The following ADAMTS19 variants were observed in gnomAD, a reference collection of about 807,000 sequenced individuals.
ADAMTS19 encodes ADAM metallopeptidase with thrombospondin type 1 motif 19.
ADAMTS19 carries 93 observed loss-of-function variants against 153.3 expected under a neutral mutation model. The observed-to-expected ratio is 0.61, with a 90% confidence interval of 0.51 to 0.72. The LOEUF is 0.72. Among genes scored for constraint, ADAMTS19 ranks in the 30% least tolerant of loss-of-function variants. The pLI is 0.00. For missense variants in ADAMTS19, 1,482 were observed against 1,552.1 expected, an observed-to-expected ratio of 0.95 and a Z score of 0.76; for synonymous variants, 600 against 556.6, an observed-to-expected ratio of 1.08 and a Z score of -1.10.
Position 129,701,400 on chromosome 5 carries a change from A to G in ADAMTS19, c.2967A>G (p.Thr989=). The stretch of plus-strand genomic sequence containing the variant: ...GCTTTACTTTCAGGTGGATGATGAC[A>G]GAATGGACCCCTTGTTCACGAACTT... ...EQPCQTRWMM[T]EWTPCSRTCG... The change falls in exon 20 of 23, where the codon ACA becomes ACG. Residue 989 remains threonine (T), a synonymous_variant. Transcript: ENST00000274487. 1.9e-6 allele frequency: 3 copies of G among 1,614,220 alleles called. No homozygotes were observed. The highest frequency in any genetic ancestry group is 1.7e-6 in the Non-Finnish European group (2 of 1,180,042).
chr5:129,468,603 T>C (rs543323089), intron 2 of ADAMTS19, among the ~76,000 whole-genome samples: 80 of 152,146 alleles, frequency 5.3e-4, no homozygotes, highest in Non-Finnish European at 8.8e-4. Flanking sequence ...CCGCCCACCT[T>C]GGCCTCCCAA....
At chr5:129,494,863 C>T (rs779536428) in intron 2 of ADAMTS19, among the ~76,000 whole-genome samples, 3 of 152,046 alleles carry the variant, frequency 2.0e-5, no homozygotes, top group Non-Finnish European at 4.4e-5. Context: ...TTGATACTGA[C>T]CAGAGGGAAC....
chr5:129,520,896 T>G (rs1295385831), intron 3 of ADAMTS19, among the ~76,000 whole-genome samples: 1 of 152,190 alleles, frequency 6.6e-6, no homozygotes. Flanking sequence ...TCTCCTGTGA[T>G]GCCAGCTCCA....
intron 8 of ADAMTS19, among the ~76,000 whole-genome samples, chr5:129,602,181 C>CCA (rs1750684069): frequency 2.0e-5 from 3 of 152,330 alleles, no homozygotes; most frequent in South Asian, 4.1e-4. Context: ...CAACCTCTGC[C>CCA]TCCTGGGTTC....
At chr5:129,521,468 A>G (rs1751795787) in intron 3 of ADAMTS19, among the ~76,000 whole-genome samples, 1 of 152,212 alleles carries the variant, frequency 6.6e-6, no homozygotes. Flanking sequence ...TCCTATTCAT[A>G]TACAATTTTT....
chr5:129,529,466 C>G (rs1752124852), intron 6 of ADAMTS19, among the ~76,000 whole-genome samples: 1 of 152,134 alleles, frequency 6.6e-6, no homozygotes, highest in Non-Finnish European at 1.5e-5. Flanking sequence ...CACAATTGGA[C>G]TTCTACTTTC....
intron 3 of ADAMTS19, among the ~76,000 whole-genome samples, chr5:129,519,437 G>C (rs1475093094): frequency 6.6e-6 from 1 of 152,070 alleles, no homozygotes; most frequent in Non-Finnish European, 1.5e-5. Flanking sequence ...GCAGCCTGAG[G>C]TTAGGGGAGG....
At chr5:129,482,101 T>G (rs1221929152) in intron 2 of ADAMTS19, among the ~76,000 whole-genome samples, 1 of 152,192 alleles carries the variant, frequency 6.6e-6, no homozygotes, top group Non-Finnish European at 1.5e-5. Context: ...TTAGGAATTA[T>G]AGGAAATTTT....
intron 7 of ADAMTS19, among the ~76,000 whole-genome samples, chr5:129,575,348 A>C (rs1211095143): frequency 6.6e-6 from 1 of 152,070 alleles, no homozygotes; most frequent in Admixed American, 6.6e-5. Flanking sequence ...TGCCTTCAGG[A>C]TATGATTATG....
At chr5:129,721,899 A>G (rs1757020303) in intron 21 of ADAMTS19, among the ~76,000 whole-genome samples, 1 of 152,192 alleles carries the variant, frequency 6.6e-6, no homozygotes, top group Non-Finnish European at 1.5e-5. Flanking sequence ...GATGTCTTCC[A>G]GCTGTATCCA....
intron 21 of ADAMTS19, among the ~76,000 whole-genome samples, chr5:129,720,526 C>G (rs1284093853): frequency 1.1e-4 from 17 of 152,120 alleles, no homozygotes; most frequent in Admixed American, 1.1e-3. Flanking sequence ...CTTATTTTTA[C>G]AAAGAAAGAA....
At chr5:129,588,886 T>C (rs1749954713) in intron 7 of ADAMTS19, among the ~76,000 whole-genome samples, 1 of 151,782 alleles carries the variant, frequency 6.6e-6, no homozygotes, top group African/African-American at 2.4e-5. Context: ...TATTTTACTT[T>C]ATTTCTGTTT....
intron 2 of ADAMTS19, among the ~76,000 whole-genome samples, chr5:129,506,753 T>C (rs1178277126): frequency 6.6e-6 from 1 of 152,018 alleles, no homozygotes; most frequent in African/African-American, 2.4e-5. Context: ...TTATATTTAT[T>C]ATGATTGTCC....
chr5:129,467,688 A>G lies in ADAMTS19; in HGVS notation c.747+5931A>G, dbSNP rs760851506. On this transcript the variant is annotated intron_variant, in intron 2 of 22. Transcript: ENST00000274487. ...AGAGTCATTTAAAATCCTGGATTAT[A>G]TGGTCACACAAAACACCATTCAAAT... 3.9e-5 allele frequency among the ~76,000 whole-genome samples: 6 copies of G among 152,330 alleles called. No individual in the cohort carries two copies. In the Middle Eastern group the frequency reaches 0.01, roughly 259 times the overall value.
In ADAMTS19 at chr5:129,734,964, C is replaced by A; in HGVS notation, c.3345C>A (p.Ser1115=). The A allele has an allele frequency of 6.2e-7, 1 of 1,604,946 alleles. No individual in the cohort carries two copies. Among genetic ancestry groups the A allele is most frequent in the Non-Finnish European group, 8.5e-7 (1 of 1,176,050 alleles). ...TTACCTGTGGCAAAGGAATGCAGTC[C>A]CGTGTAATCCAATGCATGCATAAGA... is the stretch of plus-strand genomic sequence containing the variant. The part of the protein sequence containing the change: ...CSITCGKGMQ[S]RVIQCMHKIT... The change falls in exon 22 of 23, where the codon TCC becomes TCA. Residue 1115 remains serine, a synonymous_variant. Transcript: ENST00000274487.
At chr5:129,655,485 T>C (rs1399383626) in intron 14 of ADAMTS19, among the ~76,000 whole-genome samples, 3 of 152,170 alleles carry the variant, frequency 2.0e-5, no homozygotes, top group Non-Finnish European at 2.9e-5. Flanking sequence ...TAGGAAACTG[T>C]TAACTGGGCA....
chr5:129,736,466 T>G (rs1291840654), intron 22 of ADAMTS19, among the ~76,000 whole-genome samples: 1 of 152,100 alleles, frequency 6.6e-6, no homozygotes, highest in Non-Finnish European at 1.5e-5. Context: ...CAAGTCTACA[T>G]GACCAAATAT....
intron 2 of ADAMTS19, among the ~76,000 whole-genome samples, chr5:129,482,377 A>C (rs74510841): frequency 0.011 from 1,724 of 152,286 alleles, 33 homozygotes; most frequent in African/African-American, 0.038. Context: ...TTCTCTTATA[A>C]GGAGTCAGTT....
chr5:129,554,304 G>A (rs368442684), intron 7 of ADAMTS19, among the ~76,000 whole-genome samples: 1 of 152,100 alleles, frequency 6.6e-6, no homozygotes, highest in African/African-American at 2.4e-5. Flanking sequence ...TAGCTGCAAT[G>A]CTATGTTAGG....
Sources: gnomAD v4.1 joint callset for allele counts (sites outside exome capture counted in the v4.1 genomes callset) on GRCh38, gnomAD v4.1.1 for gene constraint, MANE v1.5 for transcripts, NCBI Gene and HGNC (gene_info 2026-07-23, HGNC 2026-07-21) for gene names.